Variants in SEL1L2 observed in about 807,000 individuals in gnomAD.
SEL1L2 encodes the protein SEL1L2 adaptor subunit of SYVN1 ubiquitin ligase, also known as protein sel-1 homolog 2.
A neutral mutation model predicts 98.8 loss-of-function variants in SEL1L2; 89 were observed. The observed-to-expected ratio is 0.90, with a 90% CI of 0.76 to 1.07. SEL1L2 has a LOEUF of 1.07. Among genes scored for constraint, SEL1L2 ranks in the 50% least tolerant of loss-of-function variants. The pLI, the probability that SEL1L2 is intolerant of heterozygous loss-of-function variation, is 0.00. For missense variants in SEL1L2, 788 were observed against 812.0 expected, an observed-to-expected ratio of 0.97 and a Z score of 0.36; for synonymous variants, 262 against 278.5, an observed-to-expected ratio of 0.94 and a Z score of 0.59.
intron 4 of SEL1L2, among the ~76,000 whole-genome samples, chr20:13,917,070 G>T (rs1457380594): frequency 6.6e-6 from 1 of 152,086 alleles, no homozygotes; most frequent in Non-Finnish European, 1.5e-5. Context: ...GGGTTTCCCT[G>T]GACTTGATGT....
intron 2 of SEL1L2, among the ~76,000 whole-genome samples, chr20:13,947,565 C>T (rs112246345): frequency 0.039 from 5,851 of 149,634 alleles, 129 homozygotes; most frequent in African/African-American, 0.062. Flanking sequence ...ACTTGGGACC[C>T]GCTGAATGGT....
At chr20:13,864,002 A>C (rs1990592063) in intron 17 of SEL1L2, among the ~76,000 whole-genome samples, 1 of 151,858 alleles carries the variant, frequency 6.6e-6, no homozygotes. Context: ...TAAAGAAAAA[A>C]ATATATATGT....
At position 13,856,640 on chromosome 20, in the gene SEL1L2, T is replaced by C. The variant is rs565428738; in HGVS notation, c.1818+2622A>G. Among the ~76,000 whole-genome samples, 6 of 152,280 alleles carry C rather than the reference T, an allele frequency of 3.9e-5. No individual in the cohort carries two copies. In the East Asian group the frequency reaches 1.2e-3, roughly 29 times the overall value. On this transcript the variant is annotated intron_variant, in intron 18 of 19. Coordinates refer to ENST00000284951, the MANE Select transcript of SEL1L2 (RefSeq NM_025229.2). ...ACGCTTCTCAGTGAAGCTACTAGGA[T>C]AGCTCACCTGCATCATCGCAGCCCC...
Position 13,937,542 on chromosome 20 carries a change from C to G in SEL1L2, c.115-5771G>C, listed in dbSNP as rs79629684. On this transcript the variant is annotated intron_variant, in intron 2 of 19. Coordinates refer to ENST00000284951, the MANE Select transcript of SEL1L2 (RefSeq NM_025229.2). Reference sequence around the variant, plus strand: ...TTTTTCCTTTTGGCCCAATAAAACCCTGCTCTACTCACCCTTCAATGTGTC... The same window carrying G: ...TTTTTCCTTTTGGCCCAATAAAACCGTGCTCTACTCACCCTTCAATGTGTC... Among the ~76,000 whole-genome samples, 235 of 152,318 alleles carry G rather than the reference C, an allele frequency of 1.5e-3. 5 individuals carry two copies. In the East Asian group the frequency reaches 0.038, roughly 25 times the overall value.
At chr20:13,986,962 A>G (rs2052222025) in intron 1 of SEL1L2, among the ~76,000 whole-genome samples, 1 of 152,062 alleles carries the variant, frequency 6.6e-6, no homozygotes, top group Non-Finnish European at 1.5e-5. Context: ...CCTCCCGAGT[A>G]GCTGGGACTA....
At chr20:13,909,236 C>T (rs1049304373) in intron 5 of SEL1L2, among the ~76,000 whole-genome samples, 25 of 152,202 alleles carry the variant, frequency 1.6e-4, no homozygotes, top group African/African-American at 3.4e-4. Flanking sequence ...CTGGCACAAA[C>T]GGCCCAAGAA....
intron 5 of SEL1L2, among the ~76,000 whole-genome samples, chr20:13,904,146 T>TTTAGGA (rs2047811719): frequency 1.3e-5 from 2 of 152,246 alleles, no homozygotes; most frequent in African/African-American, 2.4e-5. Context: ...ACTATGGAGT[T>TTTAGGA]CATTTCCTAA....
intron 1 of SEL1L2, among the ~76,000 whole-genome samples, chr20:13,957,571 C>T (rs1032279788): frequency 6.6e-6 from 1 of 152,118 alleles, no homozygotes. Context: ...AGAGAAATAA[C>T]TGGCAAATTC....
At chr20:13,967,955 T>C (rs2148496744) in intron 1 of SEL1L2, among the ~76,000 whole-genome samples, 1 of 152,338 alleles carries the variant, frequency 6.6e-6, no homozygotes, top group South Asian at 2.1e-4. Context: ...TTTCAAGGTC[T>C]CTAAATACAA....
chr20:13,919,690 G>A (rs920130836), intron 3 of SEL1L2, among the ~76,000 whole-genome samples: 5 of 151,934 alleles, frequency 3.3e-5, no homozygotes, highest in African/African-American at 1.2e-4. Flanking sequence ...AGGCCGAGGT[G>A]GGTGGATCAT....
intron 5 of SEL1L2, among the ~76,000 whole-genome samples, chr20:13,907,700 C>CCCTT (rs2047999917): frequency 8.0e-6 from 1 of 125,656 alleles, no homozygotes; most frequent in South Asian, 2.7e-4. Flanking sequence ...TTCTTTCTTT[C>CCCTT]TCTTTCTTTC....
At chr20:13,929,087 T>G (rs1389263805) in intron 3 of SEL1L2, among the ~76,000 whole-genome samples, 1 of 152,130 alleles carries the variant, frequency 6.6e-6, no homozygotes, top group East Asian at 1.9e-4. Flanking sequence ...GAGGCTTCTC[T>G]GAGGAAGAAA....
At chr20:13,938,870 A>C (rs141084665) in intron 2 of SEL1L2, among the ~76,000 whole-genome samples, 29 of 151,746 alleles carry the variant, frequency 1.9e-4, no homozygotes, top group African/African-American at 7.0e-4. Flanking sequence ...GTTTAAATAC[A>C]TTTTTCTGTT....
chr20:13,879,179 G>A (rs2046575159), intron 10 of SEL1L2, among the ~76,000 whole-genome samples: 1 of 152,076 alleles, frequency 6.6e-6, no homozygotes, highest in Admixed American at 6.6e-5. Context: ...CAGAGGCTAG[G>A]GGAAGAACCT....
At chr20:13,925,365 G>C (rs911600887) in intron 3 of SEL1L2, among the ~76,000 whole-genome samples, 11 of 152,180 alleles carry the variant, frequency 7.2e-5, no homozygotes, top group Admixed American at 2.0e-4. Flanking sequence ...CAAAAAATCA[G>C]GTGGCATAAA....
intron 5 of SEL1L2, among the ~76,000 whole-genome samples, chr20:13,897,297 A>C (rs2047464515): frequency 1.3e-5 from 2 of 152,214 alleles, no homozygotes; most frequent in Admixed American, 6.5e-5. Context: ...TGAAACTATA[A>C]AACTCCTCAA....
chr20:13,871,329 G>T (rs1234553894), intron 12 of SEL1L2, among the ~76,000 whole-genome samples: 2 of 152,136 alleles, frequency 1.3e-5, no homozygotes, highest in African/African-American at 4.8e-5. Context: ...AAGGAAGGGA[G>T]TATTTAGCAC....
At chr20:13,918,068 G>C (rs1330746548) in intron 4 of SEL1L2, among the ~76,000 whole-genome samples, 3 of 151,972 alleles carry the variant, frequency 2.0e-5, no homozygotes, top group Non-Finnish European at 4.4e-5. Flanking sequence ...TGGGATTACA[G>C]GTATGAGCCA....
chr20:13,985,756 C>T (rs779138232), intron 1 of SEL1L2, among the ~76,000 whole-genome samples: 1 of 152,142 alleles, frequency 6.6e-6, no homozygotes, highest in Non-Finnish European at 1.5e-5. Context: ...AATCACAGAA[C>T]ATTTTTCATT....
Sources: allele counts gnomAD v4.1 joint callset (sites outside exome capture counted in the v4.1 genomes callset), GRCh38; gene constraint gnomAD v4.1.1; transcripts MANE v1.5; gene names NCBI Gene and HGNC (gene_info 2026-07-23, HGNC 2026-07-21).